GABRB1: variants seen among roughly 807,000 people sequenced by gnomAD.
The protein encoded by GABRB1 is gamma-aminobutyric acid type A receptor subunit beta1.
A neutral mutation model predicts 51.6 loss-of-function variants in GABRB1; 17 were observed. The observed-to-expected ratio is 0.33, with a 90% CI of 0.23 to 0.49. The LOEUF (loss-of-function observed/expected upper bound fraction) is 0.49. GABRB1 is among the 20% of genes least tolerant of loss of function. GABRB1 has a pLI of 0.99. For missense variants in GABRB1, 410 were observed against 600.6 expected (o/e 0.68, Z 3.32); for synonymous variants, 247 against 218.9 (o/e 1.13, Z -1.14).
At chr4:47,239,249 C>T (rs1015213929) in intron 4 of GABRB1, among the ~76,000 whole-genome samples, 28 of 152,078 alleles carry the variant, frequency 1.8e-4, no homozygotes, top group African/African-American at 6.5e-4. Flanking sequence ...AATGCTTTAC[C>T]CCAACATCTG....
intron 4 of GABRB1, among the ~76,000 whole-genome samples, chr4:47,317,648 T>C (rs1724940714): frequency 6.6e-6 from 1 of 151,946 alleles, no homozygotes; most frequent in Non-Finnish European, 1.5e-5. Context: ...AATTAACCAA[T>C]GTCCTAAGAA....
chr4:47,255,544 C>T (rs2109869883), intron 4 of GABRB1, among the ~76,000 whole-genome samples: 1 of 152,276 alleles, frequency 6.6e-6, no homozygotes, highest in Non-Finnish European at 1.5e-5. Context: ...GTAAGGAAGT[C>T]AATACTGGAG....
intron 3 of GABRB1, among the ~76,000 whole-genome samples, chr4:47,101,547 C>T (rs1714725258): frequency 6.6e-6 from 1 of 151,848 alleles, no homozygotes; most frequent in Non-Finnish European, 1.5e-5. Flanking sequence ...TGGCCAACCC[C>T]TCTCTGCCAC....
intron 5 of GABRB1, among the ~76,000 whole-genome samples, chr4:47,375,876 C>T (rs889124032): frequency 2.0e-5 from 3 of 152,188 alleles, no homozygotes; most frequent in South Asian, 2.1e-4. Flanking sequence ...GGTGACTGGG[C>T]GGATGATAGA....
chr4:47,195,616 A>G (rs145048044), intron 4 of GABRB1, among the ~76,000 whole-genome samples: 158 of 152,322 alleles, frequency 1.0e-3, no homozygotes, highest in African/African-American at 3.6e-3. Context: ...ATTTCAGACT[A>G]TAATATTTTC....
At chr4:47,185,091 C>T (rs1344572190) in intron 4 of GABRB1, among the ~76,000 whole-genome samples, 3 of 151,758 alleles carry the variant, frequency 2.0e-5, no homozygotes, top group African/African-American at 7.3e-5. Context: ...TTCTATTGTG[C>T]CTCAAAGAAT....
At chr4:47,391,612 A>G (rs1727993887) in intron 5 of GABRB1, among the ~76,000 whole-genome samples, 1 of 152,286 alleles carries the variant, frequency 6.6e-6, no homozygotes, top group Middle Eastern at 3.4e-3. Context: ...TAAGCCTAAA[A>G]TTAATACACA....
chr4:47,145,759 C>T (rs1271140663), intron 3 of GABRB1, among the ~76,000 whole-genome samples: 1 of 151,954 alleles, frequency 6.6e-6, no homozygotes, highest in Non-Finnish European at 1.5e-5. Context: ...GTGGTAACAT[C>T]AGAAGGGGAC....
chr4:47,252,477 ACTAT>A (rs965638299), intron 4 of GABRB1, among the ~76,000 whole-genome samples: 2 of 147,918 alleles, frequency 1.4e-5, no homozygotes, highest in African/African-American at 5.0e-5. Context: ...TTCACAATTG[ACTAT>A]CTAAGAAACC....
At chr4:47,167,736 C>T (rs1346690742) in intron 4 of GABRB1, among the ~76,000 whole-genome samples, 1 of 151,908 alleles carries the variant, frequency 6.6e-6, no homozygotes, top group African/African-American at 2.4e-5. Context: ...GTTGGTGTGC[C>T]CCCTCTAGCA....
intron 4 of GABRB1, among the ~76,000 whole-genome samples, chr4:47,186,478 GA>G (rs959881355): frequency 2.0e-5 from 3 of 151,742 alleles, no homozygotes; most frequent in Non-Finnish European, 2.9e-5. Flanking sequence ...AAATGTCCTT[GA>G]AAAATATCTC....
intron 3 of GABRB1, among the ~76,000 whole-genome samples, chr4:47,106,760 T>A (rs2109618507): frequency 6.6e-6 from 1 of 152,226 alleles, no homozygotes; most frequent in South Asian, 2.1e-4. Context: ...TTGCTTAATG[T>A]TTAGTCATCA....
At chr4:47,169,919 G>T (rs1179532391) in intron 4 of GABRB1, among the ~76,000 whole-genome samples, 2 of 152,110 alleles carry the variant, frequency 1.3e-5, no homozygotes, top group Non-Finnish European at 2.9e-5. Flanking sequence ...TATGTATGGT[G>T]ATTTCACTGC....
intron 3 of GABRB1, among the ~76,000 whole-genome samples, chr4:47,102,269 G>A (rs1195380802): frequency 6.6e-6 from 1 of 151,948 alleles, no homozygotes; most frequent in Non-Finnish European, 1.5e-5. Context: ...CTTTCATTAG[G>A]TGTTATTCAA....
intron 5 of GABRB1, among the ~76,000 whole-genome samples, chr4:47,363,392 C>T (rs982577316): frequency 5.3e-5 from 8 of 151,896 alleles, no homozygotes; most frequent in Admixed American, 1.3e-4. Context: ...TTGTATGTGT[C>T]GGTTATGGGG....
At chr4:47,289,036 C>T (rs939697924) in intron 4 of GABRB1, among the ~76,000 whole-genome samples, 17 of 152,050 alleles carry the variant, frequency 1.1e-4, no homozygotes, top group African/African-American at 3.9e-4. Flanking sequence ...TCAGCACAAG[C>T]CTCTTTTTTT....
intron 3 of GABRB1, among the ~76,000 whole-genome samples, chr4:47,141,259 G>A (rs969348526): frequency 6.6e-6 from 1 of 151,890 alleles, no homozygotes; most frequent in African/African-American, 2.4e-5. Flanking sequence ...CGTTGTTCCC[G>A]TCCATCAGCC....
chr4:47,361,656 G>A (rs942887670), intron 5 of GABRB1, among the ~76,000 whole-genome samples: 2 of 152,084 alleles, frequency 1.3e-5, no homozygotes, highest in African/African-American at 4.8e-5. Flanking sequence ...TTATGGCAGT[G>A]GTGATGGAAA....
intron 4 of GABRB1, among the ~76,000 whole-genome samples, chr4:47,306,398 C>T (rs1212533672): frequency 1.4e-5 from 2 of 144,600 alleles, no homozygotes; most frequent in African/African-American, 2.6e-5. Context: ...ATAGAAGGTG[C>T]GAAGTAGAGA....
Sources: allele counts gnomAD v4.1 joint callset (sites outside exome capture counted in the v4.1 genomes callset), GRCh38; gene constraint gnomAD v4.1.1; transcripts MANE v1.5; gene names NCBI Gene and HGNC (gene_info 2026-07-23, HGNC 2026-07-21).